Variants in EFHD1 observed in about 807,000 individuals in gnomAD.
EFHD1 encodes the protein EF-hand domain family member D1, also known as EF-hand domain-containing protein D1.
EFHD1 carries 10 observed loss-of-function variants against 17.2 expected under a neutral mutation model. The ratio of observed to expected loss-of-function variants is 0.58; its 90% CI spans 0.36 to 0.99. The LOEUF (loss-of-function observed/expected upper bound fraction) is 0.99, where lower values mean the gene tolerates loss of function less well. Among genes scored for constraint, EFHD1 ranks in the 50% least tolerant of loss-of-function variants. The pLI, the probability that EFHD1 is intolerant of heterozygous loss-of-function variation, is 0.01. For synonymous variants in EFHD1, 153 were observed against 142.0 expected (o/e 1.08, Z -0.55); for missense variants, 310 against 327.5 (o/e 0.95, Z 0.41).
At chr2:232,619,284 A>G (rs537573714) in intron 1 of EFHD1, among the ~76,000 whole-genome samples, 1 of 151,194 alleles carries the variant, frequency 6.6e-6, no homozygotes, top group East Asian at 1.9e-4. Flanking sequence ...GAGGAGGGGG[A>G]AATAAAGGGT....
At chr2:232,645,162 T>A (rs908783561) in intron 1 of EFHD1, among the ~76,000 whole-genome samples, 1 of 152,106 alleles carries the variant, frequency 6.6e-6, no homozygotes, top group Non-Finnish European at 1.5e-5. Flanking sequence ...TCTTTGGTTT[T>A]GGAGCTCAGA....
At chr2:232,638,363 G>A (rs951620619) in intron 1 of EFHD1, 1 of 471,174 alleles carries the variant, frequency 2.1e-6, no homozygotes, top group Non-Finnish European at 4.4e-6. Context: ...GAGAGGGTGG[G>A]AAGAGGAACA....
Position 232,633,664 on chromosome 2 carries a change from GTCCCGCGTCCCCGCGT to G in EFHD1, c.-30_-15del, listed in dbSNP as rs1216216937. 30 of 1,390,974 alleles carry G rather than the reference GTCCCGCGTCCCCGCGT, an allele frequency of 2.2e-5. No individual in the cohort carries two copies. The highest frequency in any genetic ancestry group is 3.2e-5 in the South Asian group (2 of 61,742). The allele number at this position is 1,390,974 out of a possible 1,614,324, so 86.2% of individuals were successfully genotyped here. A position where few individuals can be genotyped will look rare whatever the true frequency, so the allele number is the denominator to read the frequency against. ...GCCGCCCGCCAGCTCCCTGCGTCCCGTCCCGCGTCCCCGCGTTCCCGCGTCCTGCGATCCGCCGCCA... is the reference window on the plus strand; with the variant it reads ...GCCGCCCGCCAGCTCCCTGCGTCCCGTCCCGCGTCCTGCGATCCGCCGCCA... On this transcript the variant is annotated 5_prime_UTR_variant, in exon 1 of 4. Transcript: ENST00000264059.
intron 3 of EFHD1, among the ~76,000 whole-genome samples, chr2:232,675,118 G>A (rs143994873): frequency 0.032 from 4,876 of 151,540 alleles, 170 homozygotes; most frequent in East Asian, 0.21. Context: ...GGAGGCTGCA[G>A]TGAGCCGAGA....
chr2:232,677,967 A>G lies in EFHD1; in HGVS notation c.586-3618A>G, dbSNP rs146435679. On this transcript the variant is annotated intron_variant, in intron 3 of 3. Coordinates refer to ENST00000264059, the MANE Select transcript of EFHD1 (RefSeq NM_025202.4). ...TCAATTAGAAAAAAGAATTATATCA[A>G]TGAATGTAGCTCTAAGGATCTTAAA... 3.0e-3 allele frequency among the ~76,000 whole-genome samples: 462 copies of G among 152,248 alleles called. 9 individuals are homozygous for G. Among genetic ancestry groups the G allele is most frequent in the Non-Finnish European group, 1.3e-3 (91 of 68,012 alleles).
intron 2 of EFHD1, among the ~76,000 whole-genome samples, chr2:232,667,968 A>T (rs1285685018): frequency 6.6e-6 from 1 of 152,246 alleles, no homozygotes; most frequent in Non-Finnish European, 1.5e-5. Context: ...TGTTTGCATC[A>T]TCGGCCGAAG....
chr2:232,680,665 T>C (rs1213334644), intron 3 of EFHD1, among the ~76,000 whole-genome samples: 6 of 152,028 alleles, frequency 3.9e-5, no homozygotes, highest in African/African-American at 1.4e-4. Context: ...CACGTCACCA[T>C]ACCTGGCTAA....
chr2:232,632,718 C>T (rs923462130), upstream of EFHD1, among the ~76,000 whole-genome samples: 10 of 152,280 alleles, frequency 6.6e-5, no homozygotes, highest in East Asian at 1.4e-3. Context: ...CTCGACCTCC[C>T]GGGCTCAAGC....
In EFHD1 at chr2:232,662,830, G is replaced by A. The variant is rs11550700; in HGVS notation, c.331G>A (p.Asp111Asn). 4 of 1,584,132 alleles carry A rather than the reference G, an allele frequency of 2.5e-6. No individual in the cohort carries two copies. Among genetic ancestry groups the A allele is most frequent in the African/African-American group, 1.4e-5 (1 of 72,848 alleles). The change falls in exon 2 of 4, where the codon GAC (aspartate) becomes AAC (asparagine). Residue 111 changes from aspartate (D) to asparagine (N), a missense_variant. Physicochemically the swap from Asp to Asn is conservative, Grantham distance 23. Coordinates refer to ENST00000264059, the MANE Select transcript of EFHD1 (RefSeq NM_025202.4). The stretch of plus-strand genomic sequence containing the variant: ...TGACGCTGGGCGGGATGGCTTCATC[G>A]ACCTGATGGAGCTGAAGCTGATGAT... ...LYDAGRDGFI[D>N]LMELKLMMEK...
chr2:232,664,764 C>T (rs1046177281), intron 2 of EFHD1, among the ~76,000 whole-genome samples: 1 of 151,780 alleles, frequency 6.6e-6, no homozygotes, highest in Non-Finnish European at 1.5e-5. Flanking sequence ...CAGGCGCCTG[C>T]CACCACGCCT....
chr2:232,609,498 A>T (rs1693774830), intron 1 of EFHD1, among the ~76,000 whole-genome samples: 1 of 152,102 alleles, frequency 6.6e-6, no homozygotes, highest in Non-Finnish European at 1.5e-5. Flanking sequence ...TGCAGTGCCT[A>T]AGTGTGCCAG....
rs62191643 is a variant in EFHD1 at position 232,663,079 on chromosome 2, G to A, written c.450+130G>A. On this transcript the variant is annotated intron_variant, in intron 2 of 3. Transcript: ENST00000264059. Reference sequence around the variant, plus strand: ...GTTTGCGTATCTAACCTGCAATTCCGCTTTCAAAAATACCTTTTAGGTGAC... The same window carrying A: ...GTTTGCGTATCTAACCTGCAATTCCACTTTCAAAAATACCTTTTAGGTGAC... The A allele has an allele frequency of 2.2e-3, 2,383 of 1,101,740 alleles. 5 individuals carry two copies. Among genetic ancestry groups the A allele is most frequent in the Non-Finnish European group, 2.7e-3 (2,207 of 827,876 alleles). The allele number at this position is 1,101,740 out of a possible 1,614,324, so 68.2% of individuals were successfully genotyped here.
chr2:232,654,416 C>CTTTTTTTTTTTTTT (rs539954632), intron 1 of EFHD1, among the ~76,000 whole-genome samples: 14 of 94,616 alleles, frequency 1.5e-4, no homozygotes, highest in Non-Finnish European at 1.8e-4. Flanking sequence ...TTCTTTCTTT[C>CTTTTTTTTTTTTTT]TTTTTTTTTT....
chr2:232,623,146 A>T (rs1694048977), intron 1 of EFHD1, among the ~76,000 whole-genome samples: 1 of 152,130 alleles, frequency 6.6e-6, no homozygotes, highest in Admixed American at 6.6e-5. Context: ...TCCTGGGCTC[A>T]AACGATCCTC....
At position 232,633,651 on chromosome 2, in the gene EFHD1, C is replaced by T; in HGVS notation, c.-54C>T. Reference sequence around the variant, plus strand: ...CTGCGAGGAGCGCGCCGCCCGCCAGCTCCCTGCGTCCCGTCCCGCGTCCCC... The same window carrying T: ...CTGCGAGGAGCGCGCCGCCCGCCAGTTCCCTGCGTCCCGTCCCGCGTCCCC... On this transcript the variant is annotated 5_prime_UTR_variant, in exon 1 of 4. Coordinates refer to ENST00000264059, the MANE Select transcript of EFHD1 (RefSeq NM_025202.4). The T allele has an allele frequency of 1.5e-6, 2 of 1,368,076 alleles. No homozygotes were observed. The highest frequency in any genetic ancestry group is 1.9e-6 in the Non-Finnish European group (2 of 1,071,368). 84.7% of individuals were successfully genotyped at this position (1,368,076 alleles called of 1,614,324 possible). A position where few individuals can be genotyped will look rare whatever the true frequency, so the allele number is the denominator to read the frequency against.
At chr2:232,625,167 C>T (rs965065531) in intron 1 of EFHD1, among the ~76,000 whole-genome samples, 1 of 152,268 alleles carries the variant, frequency 6.6e-6, no homozygotes, top group Non-Finnish European at 1.5e-5. Context: ...CTCACTCTGT[C>T]GCCCAGGCTG....
At chr2:232,676,493 C>T (rs1169180214) in intron 3 of EFHD1, among the ~76,000 whole-genome samples, 2 of 152,158 alleles carry the variant, frequency 1.3e-5, no homozygotes, top group Admixed American at 6.6e-5. Context: ...TTCTTCCACA[C>T]ATGCCCAATT....
chr2:232,662,793 A>G lies in EFHD1; in HGVS notation c.303-9A>G, dbSNP rs1475826502. 1 of 1,563,158 alleles carries G rather than the reference A, an allele frequency of 6.4e-7. No individual in the cohort carries two copies. The highest frequency in any genetic ancestry group is 8.6e-7 in the Non-Finnish European group (1 of 1,160,746). On this transcript the variant is annotated splice_polypyrimidine_tract_variant and intron_variant, in intron 1 of 3. Transcript: ENST00000264059. The stretch of plus-strand genomic sequence containing the variant: ...TTCATCCCGGTCATGCATTCCTTTG[A>G]CCCTGCAGGTATGACGCTGGGCGGG...
chr2:232,620,336 A>C (rs1180788787), intron 1 of EFHD1, among the ~76,000 whole-genome samples: 1 of 150,686 alleles, frequency 6.6e-6, no homozygotes, highest in Non-Finnish European at 1.5e-5. Context: ...TGCAGTGAGC[A>C]GAGATAGCGC....
Sources: gnomAD v4.1 joint callset for allele counts (sites outside exome capture counted in the v4.1 genomes callset) on GRCh38, gnomAD v4.1.1 for gene constraint, MANE v1.5 for transcripts, NCBI Gene and HGNC (gene_info 2026-07-23, HGNC 2026-07-21) for gene names.